RIMS2: variants seen among roughly 807,000 people sequenced by gnomAD.
The protein encoded by RIMS2 is regulating synaptic membrane exocytosis protein 2.
RIMS2 carries 59 observed loss-of-function variants against 174.4 expected under a neutral mutation model. That is an observed-to-expected ratio of 0.34 (90% CI 0.27 to 0.42). RIMS2 has a LOEUF of 0.42. RIMS2 is among the 10% of genes least tolerant of loss of function. The pLI is 1.00. For synonymous variants in RIMS2, 606 were observed against 572.5 expected (o/e 1.06, Z -0.84); for missense variants, 1,620 against 1,666.3 (o/e 0.97, Z 0.48).
chr8:103,925,296 C>A (rs2078553409), intron 10 of RIMS2, among the ~76,000 whole-genome samples: 1 of 151,448 alleles, frequency 6.6e-6, no homozygotes, highest in Non-Finnish European at 1.5e-5. Context: ...TATCTTTTGA[C>A]TCCATTTTAA....
At chr8:103,761,762 C>G (rs1394803321) in intron 2 of RIMS2, among the ~76,000 whole-genome samples, 1 of 152,136 alleles carries the variant, frequency 6.6e-6, no homozygotes, top group Non-Finnish European at 1.5e-5. Context: ...TACTCTTTTA[C>G]CTTATTTCTT....
chr8:103,835,099 T>C lies in RIMS2; in HGVS notation c.699-50199T>C, dbSNP rs573319274. Among the ~76,000 whole-genome samples, 4 of 142,300 alleles carry C rather than the reference T, an allele frequency of 2.8e-5. No homozygotes were observed. In the East Asian group the frequency reaches 8.2e-4, roughly 29 times the overall value. The allele number at this position is 142,300 out of a possible 152,430, so 93.4% of individuals were successfully genotyped here. A position where few individuals can be genotyped will look rare whatever the true frequency, so the allele number is the denominator to read the frequency against. ...GACTGAGTTTTCTTTTTTTCTTTTC[T>C]TTTCTTTTTTTTTTTTTTTTGAGAC... On this transcript the variant is annotated intron_variant, in intron 3 of 23. Transcript: ENST00000504942.
chr8:103,528,424 T>G (rs1030173682), intron 1 of RIMS2, among the ~76,000 whole-genome samples: 1 of 152,204 alleles, frequency 6.6e-6, no homozygotes, highest in African/African-American at 2.4e-5. Flanking sequence ...TTTTGGCTTT[T>G]GTTGCCATTG....
chr8:103,809,579 T>C (rs1333357066), intron 3 of RIMS2, among the ~76,000 whole-genome samples: 2 of 152,100 alleles, frequency 1.3e-5, no homozygotes, highest in South Asian at 2.1e-4. Context: ...TAAATACTTG[T>C]TGAGTGAATG....
At chr8:103,896,713 G>C (rs1594755983) in intron 4 of RIMS2, among the ~76,000 whole-genome samples, 1 of 151,646 alleles carries the variant, frequency 6.6e-6, no homozygotes, top group East Asian at 1.9e-4. Context: ...CATCTAGAGG[G>C]TCCAAAATGA....
chr8:103,860,369 C>A (rs540206060), intron 3 of RIMS2, among the ~76,000 whole-genome samples: 3 of 152,176 alleles, frequency 2.0e-5, no homozygotes, highest in Admixed American at 2.0e-4. Flanking sequence ...TGTAATAGAA[C>A]CTTCTTCATG....
At chr8:103,944,115 C>G (rs2083172936) in intron 14 of RIMS2, among the ~76,000 whole-genome samples, 1 of 152,054 alleles carries the variant, frequency 6.6e-6, no homozygotes, top group African/African-American at 2.4e-5. Context: ...TCTCTAATTA[C>G]TGGAATTTTA....
chr8:103,667,769 G>A lies in RIMS2; in HGVS notation c.177-29317G>A, dbSNP rs577559179. Among the ~76,000 whole-genome samples, 213 of 152,300 alleles carry A rather than the reference G, an allele frequency of 1.4e-3. No homozygotes were observed. In the South Asian group the frequency reaches 0.014, roughly 10 times the overall value. ...TCTTTGGAAAGCTGTCTGAATCTGGGATGTCATCTGCTTCTAGGGAGAAAC... is the reference window on the plus strand; with the variant it reads ...TCTTTGGAAAGCTGTCTGAATCTGGAATGTCATCTGCTTCTAGGGAGAAAC... On this transcript the variant is annotated intron_variant, in intron 1 of 23. Coordinates refer to ENST00000504942, the Ensembl canonical transcript of RIMS2.
chr8:103,944,251 G>A (rs897248663), intron 14 of RIMS2, among the ~76,000 whole-genome samples: 2 of 151,880 alleles, frequency 1.3e-5, no homozygotes, highest in Admixed American at 6.6e-5. Context: ...ATGTCATTAC[G>A]ACATCCTTTG....
intron 1 of RIMS2, among the ~76,000 whole-genome samples, chr8:103,640,900 T>A (rs138502668): frequency 6.6e-6 from 1 of 152,096 alleles, no homozygotes; most frequent in Non-Finnish European, 1.5e-5. Context: ...CAACTACATC[T>A]TCACTGATTT....
At chr8:103,862,885 A>G (rs2099065955) in intron 3 of RIMS2, among the ~76,000 whole-genome samples, 1 of 152,100 alleles carries the variant, frequency 6.6e-6, no homozygotes, top group African/African-American at 2.4e-5. Context: ...TTCTATGTGT[A>G]AAATCATGTC....
chr8:104,195,216 A>G (rs1340432077), intron 19 of RIMS2, among the ~76,000 whole-genome samples: 1 of 152,174 alleles, frequency 6.6e-6, no homozygotes, highest in Non-Finnish European at 1.5e-5. Flanking sequence ...ATAGATATTT[A>G]GAAGGTATGA....
chr8:104,226,622 G>T (rs997423284), intron 19 of RIMS2, among the ~76,000 whole-genome samples: 3 of 152,188 alleles, frequency 2.0e-5, no homozygotes, highest in Admixed American at 2.0e-4. Context: ...ACTGTGACAG[G>T]TGTTAGGAGG....
intron 19 of RIMS2, among the ~76,000 whole-genome samples, chr8:104,177,695 T>G (rs540078025): frequency 6.6e-6 from 1 of 152,294 alleles, no homozygotes; most frequent in East Asian, 1.9e-4. Flanking sequence ...CAAATTGTAA[T>G]TCACTGCTAA....
At chr8:103,606,998 T>C (rs2095126893) in intron 1 of RIMS2, among the ~76,000 whole-genome samples, 1 of 152,138 alleles carries the variant, frequency 6.6e-6, no homozygotes, top group South Asian at 2.1e-4. Context: ...TTAGTCCATT[T>C]ACATTTAAAG....
chr8:103,567,062 C>T (rs1437120444), intron 1 of RIMS2, among the ~76,000 whole-genome samples: 1 of 152,154 alleles, frequency 6.6e-6, no homozygotes, highest in Non-Finnish European at 1.5e-5. Flanking sequence ...CTGGAGATTT[C>T]ATATAAACAG....
intron 3 of RIMS2, among the ~76,000 whole-genome samples, chr8:103,879,373 T>G (rs1158312269): frequency 6.6e-6 from 1 of 151,566 alleles, no homozygotes; most frequent in African/African-American, 2.4e-5. Context: ...CTGCAATGTT[T>G]CTGAAATTTT....
chr8:103,939,364 C>T (rs1158200110), intron 13 of RIMS2, among the ~76,000 whole-genome samples: 1 of 152,198 alleles, frequency 6.6e-6, no homozygotes, highest in Non-Finnish European at 1.5e-5. Flanking sequence ...GACGCCATGG[C>T]CCAAGCTGTA....
At position 103,706,103 on chromosome 8, in the gene RIMS2, T is replaced by C. The variant is rs556480411; in HGVS notation, c.387+8807T>C. Among the ~76,000 whole-genome samples, 19 of 152,234 alleles carry C rather than the reference T, an allele frequency of 1.2e-4. No homozygotes were observed. The South Asian group carries it at 3.9e-3, about 32-fold the overall frequency. On this transcript the variant is annotated intron_variant, in intron 2 of 23. Coordinates refer to ENST00000504942, the Ensembl canonical transcript of RIMS2. Reference sequence around the variant, plus strand: ...GTATTTCTTCGTCGTTTCTATTAGCTTACAAAATATATTTTATAGTTATAG... The same window carrying C: ...GTATTTCTTCGTCGTTTCTATTAGCCTACAAAATATATTTTATAGTTATAG...
Sources: gnomAD v4.1 joint callset for allele counts (sites outside exome capture counted in the v4.1 genomes callset) on GRCh38, gnomAD v4.1.1 for gene constraint, MANE v1.5 for transcripts, NCBI Gene and HGNC (gene_info 2026-07-23, HGNC 2026-07-21) for gene names.